The following TAF4 variants were observed in gnomAD, a reference collection of about 807,000 sequenced individuals.
The protein encoded by TAF4 is TATA-box binding protein associated factor 4, also known as transcription initiation factor TFIID subunit 4.
In TAF4, 9 loss-of-function variants were observed where a neutral mutation model predicts 90.3. The observed-to-expected ratio is 0.10, with a 90% confidence interval of 0.06 to 0.17. The LOEUF (loss-of-function observed/expected upper bound fraction) is 0.17. Among genes scored for constraint, TAF4 ranks in the 10% least tolerant of loss-of-function variants. The probability of loss-of-function intolerance (pLI) is 1.00; values close to 1 mark genes in which losing one functional copy is unlikely to be tolerated. For synonymous variants in TAF4, 818 were observed against 638.9 expected (o/e 1.28, Z -4.23); for missense variants, 1,351 against 1,370.7 (o/e 0.99, Z 0.23).
intron 1 of TAF4, among the ~76,000 whole-genome samples, chr20:62,041,047 C>A (rs1341268427): frequency 6.6e-6 from 1 of 152,240 alleles, no homozygotes; most frequent in African/African-American, 2.4e-5. Flanking sequence ...TCCAAGTACT[C>A]TGAGTAGGAA....
At chr20:62,020,178 G>A (rs2055834688) in intron 1 of TAF4, among the ~76,000 whole-genome samples, 1 of 152,210 alleles carries the variant, frequency 6.6e-6, no homozygotes, top group African/African-American at 2.4e-5. Context: ...ACCAGCCCCA[G>A]CCCCAGCCCA....
chr20:62,065,658 C>T lies in TAF4; in HGVS notation c.153G>A (p.Arg51=). The part of the protein sequence containing the change: ...HHLAPRTPEV[R]AAAAGALGNH... ...TCCCGAGCGCGCCGGCGGCCGCGGC[C>T]CGCACCTCGGGCGTGCGCGGCGCGA... The change falls in exon 1 of 15, where the codon CGG becomes CGA. Residue 51 remains arginine (R), a synonymous_variant. Transcript: ENST00000252996. 1 of 1,077,494 alleles carries T rather than the reference C, an allele frequency of 9.3e-7. No individual in the cohort carries two copies. Among genetic ancestry groups the T allele is most frequent in the Non-Finnish European group, 1.1e-6 (1 of 890,882 alleles). The allele number at this position is 1,077,494 out of a possible 1,614,324, so 66.7% of individuals were successfully genotyped here. A position where few individuals can be genotyped will look rare whatever the true frequency, so the allele number is the denominator to read the frequency against.
rs376934897 is a variant in TAF4, at chr20:62,064,441, G to C, written c.1360+10C>G. ...GCCGCCCTTCCCTCCCGCCCCGTGC[G>C]GCCACTCACCTGGGGGCAGCTGGAA... On this transcript the variant is annotated intron_variant, in intron 1 of 14. Transcript: ENST00000252996. 2 of 1,377,960 alleles carry C rather than the reference G, an allele frequency of 1.5e-6. No homozygotes were observed. The highest frequency in any genetic ancestry group is 6.6e-5 in the Admixed American group (2 of 30,316). The allele number at this position is 1,377,960 out of a possible 1,614,324, so 85.4% of individuals were successfully genotyped here.
intron 9 of TAF4, among the ~76,000 whole-genome samples, chr20:62,002,226 G>A (rs532927203): frequency 6.6e-6 from 1 of 152,284 alleles, no homozygotes; most frequent in East Asian, 1.9e-4. Flanking sequence ...AGGCATGCTG[G>A]CCACCTCTCC....
In TAF4 at chr20:62,065,828, C is replaced by G; in HGVS notation, c.-18G>C. The stretch of plus-strand genomic sequence containing the variant: ...GCCGCCATCTTTTTTCCTCGGCCGC[C>G]GCCGCCGCCGCCGCTCGGGCCGAGC... On this transcript the variant is annotated 5_prime_UTR_variant, in exon 1 of 15. Transcript: ENST00000252996. The G allele has an allele frequency of 1.0e-5, 13 of 1,251,810 alleles. No homozygotes were observed. The highest frequency in any genetic ancestry group is 1.4e-5 in the South Asian group (1 of 73,106). 77.5% of individuals were successfully genotyped at this position (1,251,810 alleles called of 1,614,324 possible).
intron 7 of TAF4, chr20:62,005,025 G>C (rs1003176973): frequency 1.3e-5 from 2 of 152,298 alleles, no homozygotes; most frequent in Admixed American, 1.3e-4. Flanking sequence ...AGGTGCCCTG[G>C]CAGGTAAACT....
chr20:62,036,060 G>C (rs996245840), intron 1 of TAF4, among the ~76,000 whole-genome samples: 1 of 146,196 alleles, frequency 6.8e-6, no homozygotes, highest in African/African-American at 2.6e-5. Context: ...TTTTGCTCTT[G>C]TTGCCCTGCC....
intron 1 of TAF4, among the ~76,000 whole-genome samples, chr20:62,023,062 C>A (rs748313746): frequency 7.2e-5 from 11 of 152,186 alleles, no homozygotes; most frequent in Non-Finnish European, 1.0e-4. Flanking sequence ...TCCCAAAGTC[C>A]CAGCAGCCTC....
chr20:61,985,946 C>A (rs62207109), intron 14 of TAF4, among the ~76,000 whole-genome samples: 65,131 of 109,672 alleles, frequency 0.59, 17,532 homozygotes, highest in Middle Eastern at 0.76. Flanking sequence ...ACCAAAGGAA[C>A]CACCATCCCC....
Position 62,028,295 on chromosome 20 carries a change from C to A in TAF4, c.1361-13588G>T, listed in dbSNP as rs374421127. On this transcript the variant is annotated intron_variant, in intron 1 of 14. Transcript: ENST00000252996. The stretch of plus-strand genomic sequence containing the variant: ...AAATGCTACCTCCTTGAATTGAATT[C>A]TCTTTAAGTTAACTTTAAATGGCTG... Among the ~76,000 whole-genome samples, 21 of 152,310 alleles carry A rather than the reference C, an allele frequency of 1.4e-4. No homozygotes were observed. In the East Asian group the frequency reaches 3.3e-3, roughly 24 times the overall value.
intron 14 of TAF4, chr20:61,981,100 C>G (rs1239552077): frequency 1.3e-5 from 2 of 152,294 alleles, no homozygotes; most frequent in Admixed American, 6.5e-5. Flanking sequence ...GCCGGGAGAA[C>G]TGGAGGACAA....
intron 1 of TAF4, among the ~76,000 whole-genome samples, chr20:62,047,046 T>C (rs1474816908): frequency 1.3e-5 from 2 of 152,220 alleles, no homozygotes; most frequent in African/African-American, 2.4e-5. Flanking sequence ...CCAGCAAAAG[T>C]TTTCCTTTAA....
At chr20:62,046,353 A>T (rs2055993155) in intron 1 of TAF4, among the ~76,000 whole-genome samples, 1 of 152,256 alleles carries the variant, frequency 6.6e-6, no homozygotes, top group South Asian at 2.1e-4. Context: ...TTCGCTTAAA[A>T]CATGTCCTAA....
rs556829714 is a variant in TAF4, at chr20:62,041,782, T to C, written c.1360+22669A>G. Among the ~76,000 whole-genome samples the C allele has an allele frequency of 2.8e-4, 42 of 147,480 alleles. No individual in the cohort carries two copies. In the South Asian group the frequency reaches 7.9e-3, roughly 28 times the overall value. ...CCCTTCTCTCTAAAAAAAAAAAAAA[T>C]TGAAACATCAGCCAGGCACAGTGGC... On this transcript the variant is annotated intron_variant, in intron 1 of 14. Coordinates refer to ENST00000252996, the MANE Select transcript of TAF4 (RefSeq NM_003185.4).
At chr20:62,000,381 G>T in intron 10 of TAF4, 127 bp from the exon 11 acceptor site, 1 of 1,408,504 alleles carries the variant, frequency 7.1e-7, no homozygotes, top group Non-Finnish European at 9.6e-7. Context: ...GGCTGGTGGG[G>T]TGGAAGGCAG....
chr20:62,000,831 C>A, intron 9 of TAF4, 110 bp from the exon 10 acceptor site: 1 of 1,206,766 alleles, frequency 8.3e-7, no homozygotes, highest in Non-Finnish European at 1.2e-6. Flanking sequence ...CGTGAGGAGG[C>A]CAGGCCTCTG....
At chr20:62,005,704 T>C (rs915385673) in intron 7 of TAF4, 2 of 152,234 alleles carry the variant, frequency 1.3e-5, no homozygotes, top group Non-Finnish European at 2.9e-5. Context: ...CTCGCTATTA[T>C]CAAGACAAAA....
chr20:62,000,099 C>T (rs1464835795), intron 11 of TAF4, 25 bp downstream of exon 11: 2 of 1,614,224 alleles, frequency 1.2e-6, no homozygotes, highest in South Asian at 2.2e-5. Flanking sequence ...CATAAAGACG[C>T]TCTCCTCGGC....
At chr20:62,029,227 G>C (rs925610907) in intron 1 of TAF4, among the ~76,000 whole-genome samples, 2 of 151,942 alleles carry the variant, frequency 1.3e-5, no homozygotes, top group Non-Finnish European at 2.9e-5. Flanking sequence ...GGAATTAATG[G>C]ATCTAGGGAA....
Sources: gnomAD v4.1 joint callset for allele counts (sites outside exome capture counted in the v4.1 genomes callset) on GRCh38, gnomAD v4.1.1 for gene constraint, MANE v1.5 for transcripts, NCBI Gene and HGNC (gene_info 2026-07-23, HGNC 2026-07-21) for gene names.